The following STARD13 variants were observed in gnomAD, a reference collection of about 807,000 sequenced individuals.
The protein encoded by STARD13 is stAR-related lipid transfer protein 13.
Under a neutral mutation model 106.4 loss-of-function variants are expected in STARD13, and 62 were observed. The observed-to-expected ratio is 0.58, with a 90% CI of 0.48 to 0.72. The LOEUF (loss-of-function observed/expected upper bound fraction) is 0.72, where lower values mean the gene tolerates loss of function less well. Among genes scored for constraint, STARD13 ranks in the 30% least tolerant of loss-of-function variants. STARD13 has a pLI of 0.00. For synonymous variants in STARD13, 565 were observed against 553.0 expected, an observed-to-expected ratio of 1.02 and a Z score of -0.31; for missense variants, 1,387 against 1,424.0, an observed-to-expected ratio of 0.97 and a Z score of 0.42.
chr13:33,238,487 T>A (rs1014503792), intron 1 of STARD13, among the ~76,000 whole-genome samples: 1 of 152,186 alleles, frequency 6.6e-6, no homozygotes, highest in African/African-American at 2.4e-5. Flanking sequence ...GACTTAAAAG[T>A]AGATCATCTA....
At chr13:33,185,934 T>C (rs1397298915) in intron 1 of STARD13, 15 of 1,614,228 alleles carry the variant, frequency 9.3e-6, no homozygotes, top group Non-Finnish European at 1.3e-5. Flanking sequence ...ACAGACAGTG[T>C]CTTTGCATTC....
downstream of STARD13, among the ~76,000 whole-genome samples, chr13:33,344,728 C>T (rs2078000443): frequency 6.6e-6 from 1 of 152,180 alleles, no homozygotes; most frequent in African/African-American, 2.4e-5. Context: ...ATATAACTTC[C>T]TGTGTCTATG....
At chr13:33,465,340 G>A in the STARD13 span, among the ~76,000 whole-genome samples, 1 of 151,480 alleles carries the variant, frequency 6.6e-6, no homozygotes, top group Non-Finnish European at 1.5e-5. Flanking sequence ...CGAGTAGCTG[G>A]GACTACAGGT....
the STARD13 span, among the ~76,000 whole-genome samples, chr13:33,367,497 CAA>C: frequency 4.0e-5 from 6 of 149,652 alleles, no homozygotes; most frequent in African/African-American, 7.4e-5. Flanking sequence ...GAGTAGCTCT[CAA>C]AAAAAAAGAA....
the STARD13 span, among the ~76,000 whole-genome samples, chr13:33,621,961 C>T: frequency 3.3e-5 from 5 of 151,608 alleles, no homozygotes; most frequent in African/African-American, 7.2e-5. Flanking sequence ...CCCACCACCA[C>T]GCCCGGCTAA....
At chr13:33,524,180 C>A in the STARD13 span, 2 of 996,024 alleles carry the variant, frequency 2.0e-6, no homozygotes, top group South Asian at 1.9e-5. Context: ...TGAATTACAC[C>A]GTATGAACAG....
the STARD13 span, among the ~76,000 whole-genome samples, chr13:33,398,992 A>G: frequency 6.6e-6 from 1 of 152,232 alleles, no homozygotes; most frequent in African/African-American, 2.4e-5. Flanking sequence ...AAACAACTCA[A>G]AAGTCTGTCA....
chr13:33,587,212 T>G, the STARD13 span, among the ~76,000 whole-genome samples: 4 of 131,064 alleles, frequency 3.1e-5, 1 homozygote, highest in African/African-American at 1.3e-4. Flanking sequence ...CGAGACTCTG[T>G]CTCAAAAAAA....
the STARD13 span, among the ~76,000 whole-genome samples, chr13:33,436,877 T>C: frequency 6.6e-6 from 1 of 152,186 alleles, no homozygotes. Flanking sequence ...CAGGCAGTTT[T>C]GGAACACAAG....
chr13:33,107,647 T>A (rs1285908656), intron 12 of STARD13, among the ~76,000 whole-genome samples: 2 of 152,150 alleles, frequency 1.3e-5, no homozygotes, highest in Non-Finnish European at 2.9e-5. Context: ...GGAAAGTACA[T>A]TTCTGTGCAG....
intron 1 of STARD13, among the ~76,000 whole-genome samples, chr13:33,253,873 T>A (rs1890206982): frequency 6.6e-6 from 1 of 152,204 alleles, no homozygotes; most frequent in East Asian, 1.9e-4. Flanking sequence ...ACAAATTTGA[T>A]GAGCAATGAA....
the STARD13 span, among the ~76,000 whole-genome samples, chr13:33,652,108 TCAATC>T: frequency 1.3e-5 from 2 of 152,224 alleles, no homozygotes; most frequent in South Asian, 4.1e-4. Context: ...GCTTATTGTT[TCAATC>T]CATCAAATAT....
rs566681876 is a variant in STARD13, at chr13:33,316,002, CT to C, written c.124+34287del. Among the ~76,000 whole-genome samples the C allele has an allele frequency of 1.2e-3, 176 of 152,250 alleles. 1 individual carries two copies. The Middle Eastern group carries it at 0.014, about 12-fold the overall frequency. The stretch of plus-strand genomic sequence containing the variant: ...TCTACTTACCAAGTGGTTCTTCTAG[CT>C]GGTAAATTCTAAAACTCAGATCTAT... On this transcript the variant is annotated intron_variant, in intron 1 of 5. Coordinates refer to the STARD13 transcript ENST00000567873.
chr13:33,654,982 GT>G, the STARD13 span: 1 of 152,212 alleles, frequency 6.6e-6, no homozygotes, highest in Non-Finnish European at 1.5e-5. Flanking sequence ...AGTTTTTTCA[GT>G]CTGCTAGTCC....
At chr13:33,114,270 G>T (rs1875042232) in intron 8 of STARD13, among the ~76,000 whole-genome samples, 1 of 152,182 alleles carries the variant, frequency 6.6e-6, no homozygotes, top group African/African-American at 2.4e-5. Flanking sequence ...CTTCTGAGGG[G>T]GTCCTGGCTG....
chr13:33,584,564 G>C, the STARD13 span, among the ~76,000 whole-genome samples: 1 of 152,082 alleles, frequency 6.6e-6, no homozygotes, highest in Non-Finnish European at 1.5e-5. Context: ...AGATTTGGGG[G>C]TAAAGTGATA....
At chr13:33,426,322 T>C in the STARD13 span, among the ~76,000 whole-genome samples, 3 of 152,208 alleles carry the variant, frequency 2.0e-5, no homozygotes, top group Non-Finnish European at 4.4e-5. Flanking sequence ...ATATCAGACT[T>C]CCTCATTTTC....
the STARD13 span, among the ~76,000 whole-genome samples, chr13:33,645,811 TG>T: frequency 6.6e-6 from 1 of 152,122 alleles, no homozygotes; most frequent in African/African-American, 2.4e-5. Context: ...GGAATGCCTG[TG>T]GGGGTCAACT....
chr13:33,569,030 G>T, the STARD13 span, among the ~76,000 whole-genome samples: 1 of 148,076 alleles, frequency 6.8e-6, no homozygotes, highest in African/African-American at 2.5e-5. Flanking sequence ...TTCTCAGTGG[G>T]TAGACTGGCC....
Sources: gnomAD v4.1 joint callset for allele counts (sites outside exome capture counted in the v4.1 genomes callset) on GRCh38, gnomAD v4.1.1 for gene constraint, MANE v1.5 for transcripts, NCBI Gene and HGNC (gene_info 2026-07-23, HGNC 2026-07-21) for gene names.